UGGT1: variants seen among roughly 807,000 people sequenced by gnomAD.
UGGT1 encodes UDP-glucose glycoprotein glucosyltransferase 1, also known as UDP-glucose:glycoprotein glucosyltransferase 1.
In UGGT1, 107 loss-of-function variants were observed where a neutral mutation model predicts 203.9. The observed-to-expected ratio is 0.52, with a 90% CI of 0.45 to 0.62. UGGT1 has a LOEUF of 0.62. Ranked by LOEUF, UGGT1 falls within the 20% of genes least tolerant of loss-of-function variation. The probability of loss-of-function intolerance (pLI) is 0.00; values close to 1 mark genes in which losing one functional copy is unlikely to be tolerated. For synonymous variants in UGGT1, 628 were observed against 653.5 expected, an observed-to-expected ratio of 0.96 and a Z score of 0.59; for missense variants, 1,673 against 1,867.2, an observed-to-expected ratio of 0.90 and a Z score of 1.92.
chr2:128,148,228 A>G (rs1196985005), intron 18 of UGGT1, among the ~76,000 whole-genome samples: 1 of 151,926 alleles, frequency 6.6e-6, no homozygotes, highest in Non-Finnish European at 1.5e-5. Flanking sequence ...CACCCAACTA[A>G]TTTTTATATT....
Position 128,135,183 on chromosome 2 carries a change from C to T in UGGT1, c.1583+222C>T, listed in dbSNP as rs73955935. 5.1e-3 allele frequency among the ~76,000 whole-genome samples: 774 copies of T among 152,306 alleles called. 10 individuals are homozygous for T. The highest frequency in any genetic ancestry group is 0.016 in the African/African-American group (684 of 41,576). On this transcript the variant is annotated intron_variant, in intron 15 of 40. Transcript: ENST00000259253. ...CACCAATGAATTATCAATAAATAGC[C>T]CATGTAAAAATAGTTTCTGGCTGCA...
chr2:128,145,596 T>C (rs977176277), intron 17 of UGGT1: 1 of 502,660 alleles, frequency 2.0e-6, no homozygotes, highest in Non-Finnish European at 3.3e-6. Flanking sequence ...AAACTTGAAC[T>C]CAGTAATTCA....
chr2:128,180,882 A>G lies in UGGT1; in HGVS notation c.3901-8A>G, dbSNP rs1306306168. On this transcript the variant is annotated splice_polypyrimidine_tract_variant and splice_region_variant and intron_variant, in intron 35 of 40. Transcript: ENST00000259253. ...ATGATTATTTGTTGTTCCCATGTCTAAAAATAGGAGTTTATACCTTACATG... is the reference window on the plus strand; with the variant it reads ...ATGATTATTTGTTGTTCCCATGTCTGAAAATAGGAGTTTATACCTTACATG... 1 of 1,602,158 alleles carries G rather than the reference A, an allele frequency of 6.2e-7. No individual in the cohort carries two copies. The highest frequency in any genetic ancestry group is 1.1e-5 in the South Asian group (1 of 88,890).
intron 18 of UGGT1, among the ~76,000 whole-genome samples, chr2:128,146,975 CG>C (rs761556052): frequency 5.3e-5 from 8 of 152,176 alleles, no homozygotes; most frequent in Non-Finnish European, 1.2e-4. Context: ...CACAGACTCT[CG>C]GGCCCCACTG....
intron 18 of UGGT1, 97 bp from the exon 19 acceptor site, chr2:128,152,687 C>T: frequency 6.8e-7 from 1 of 1,474,100 alleles, no homozygotes; most frequent in Non-Finnish European, 9.1e-7. Context: ...ACAGAGGAAG[C>T]CATTTATAAA....
At chr2:128,144,618 A>C (rs1344373836) in intron 17 of UGGT1, among the ~76,000 whole-genome samples, 2 of 152,228 alleles carry the variant, frequency 1.3e-5, no homozygotes, top group African/African-American at 4.8e-5. Flanking sequence ...TAAGAGTTTT[A>C]GGAGTGTATA....
chr2:128,116,188 A>C (rs1688091910), intron 7 of UGGT1, 77 bp from the exon 8 acceptor site: 4 of 890,758 alleles, frequency 4.5e-6, no homozygotes, highest in Admixed American at 2.3e-5. Flanking sequence ...CAATTTTATG[A>C]AGTTTATGAG....
chr2:128,147,682 C>T (rs1257884627), intron 18 of UGGT1, among the ~76,000 whole-genome samples: 4 of 151,918 alleles, frequency 2.6e-5, no homozygotes, highest in Non-Finnish European at 2.9e-5. Context: ...ATGATCTTAG[C>T]TCACTGTGGC....
intron 13 of UGGT1, among the ~76,000 whole-genome samples, chr2:128,131,329 G>A (rs1451829982): frequency 2.6e-5 from 4 of 152,052 alleles, no homozygotes; most frequent in East Asian, 3.9e-4. Context: ...CGTGGTGGGC[G>A]GATCACTTTA....
chr2:128,169,605 A>G (rs1330033881), intron 26 of UGGT1, among the ~76,000 whole-genome samples: 4 of 152,218 alleles, frequency 2.6e-5, no homozygotes, highest in African/African-American at 9.6e-5. Flanking sequence ...TGGTTGTACA[A>G]ATTGTTTACA....
Position 128,116,435 on chromosome 2 carries a change from G to C in UGGT1, c.872+92G>C, listed in dbSNP as rs996361423. Reference sequence around the variant, plus strand: ...TTTAAGCATCATCTTACTCATTACTGTCTGAGTTTCTCATCTCCTAACAGT... The same window carrying C: ...TTTAAGCATCATCTTACTCATTACTCTCTGAGTTTCTCATCTCCTAACAGT... On this transcript the variant is annotated intron_variant, in intron 8 of 40. Transcript: ENST00000259253. The C allele has an allele frequency of 1.5e-5, 12 of 809,336 alleles. No individual in the cohort carries two copies. In the Admixed American group the frequency reaches 2.1e-4, roughly 14 times the overall value. 50.1% of individuals were successfully genotyped at this position (809,336 alleles called of 1,614,324 possible).
At chr2:128,127,918 A>G (rs1688676381) in intron 12 of UGGT1, among the ~76,000 whole-genome samples, 1 of 152,136 alleles carries the variant, frequency 6.6e-6, no homozygotes, top group Non-Finnish European at 1.5e-5. Flanking sequence ...TGCTAAAAAT[A>G]CAAAAATTAG....
At chr2:128,159,114 TA>T (rs55708514) in intron 22 of UGGT1, among the ~76,000 whole-genome samples, 50,836 of 135,112 alleles carry the variant, frequency 0.38, 10,373 homozygotes, top group South Asian at 0.53. Context: ...TTTTTTTTTT[TA>T]ATGAGACGGA....
chr2:128,178,802 C>T (rs937763870), intron 34 of UGGT1, among the ~76,000 whole-genome samples: 11 of 152,188 alleles, frequency 7.2e-5, no homozygotes, highest in Admixed American at 2.6e-4. Context: ...AGCCCTTTAA[C>T]GTCACTGTAC....
Position 128,173,764 on chromosome 2 carries a change from T to C in UGGT1, c.3295-17T>C, listed in dbSNP as rs1199429096. The C allele has an allele frequency of 5.6e-6, 9 of 1,612,784 alleles. No individual in the cohort carries two copies. Among genetic ancestry groups the C allele is most frequent in the Non-Finnish European group, 7.6e-6 (9 of 1,179,214 alleles). On this transcript the variant is annotated splice_polypyrimidine_tract_variant and intron_variant, in intron 29 of 40. Transcript: ENST00000259253. ...TTGTCTCTGAGTGCATTCAAGTGAT[T>C]GGATTTTGGCTTGCAGGTGGACAGT...
chr2:128,121,353 C>A, intron 10 of UGGT1, 55 bp downstream of exon 10: 1 of 1,244,368 alleles, frequency 8.0e-7, no homozygotes, highest in Non-Finnish European at 1.1e-6. Context: ...TCGTCATGTT[C>A]ACTTGCCAAA....
In UGGT1 at chr2:128,138,826, T is replaced by G; in HGVS notation, c.1693T>G (p.Tyr565Asp). The change falls in exon 16 of 41, where the codon TAT (tyrosine) becomes GAT (aspartate). Residue 565 changes from tyrosine (Y) to aspartate (D), a missense_variant. Physicochemically the swap from Tyr to Asp is radical, Grantham distance 160. Coordinates refer to ENST00000259253, the MANE Select transcript of UGGT1 (RefSeq NM_020120.4). ...YNYVAQEVDDYHAFQTLTHIY... is the reference protein window; with the variant it reads ...YNYVAQEVDDDHAFQTLTHIY... Reference sequence around the variant, plus strand: ...TTATGTTGCCCAAGAAGTGGATGATTATCATGCCTTCCAGACTCTGACACA... The same window carrying G: ...TTATGTTGCCCAAGAAGTGGATGATGATCATGCCTTCCAGACTCTGACACA... 1 of 1,614,166 alleles carries G rather than the reference T, an allele frequency of 6.2e-7. No homozygotes were observed. Among genetic ancestry groups the G allele is most frequent in the South Asian group, 1.1e-5 (1 of 91,056 alleles).
chr2:128,181,218 C>T, intron 36 of UGGT1, 146 bp downstream of exon 36: 1 of 762,846 alleles, frequency 1.3e-6, no homozygotes, highest in Non-Finnish European at 2.0e-6. Flanking sequence ...TAGATGTCAT[C>T]ACTTTTTAAA....
intron 17 of UGGT1, among the ~76,000 whole-genome samples, chr2:128,145,457 A>T (rs1043303016): frequency 3.9e-5 from 6 of 152,124 alleles, no homozygotes; most frequent in South Asian, 4.2e-4. Flanking sequence ...CTGACCGTAG[A>T]ATATGTAGTT....
Sources: gnomAD v4.1 joint callset for allele counts (sites outside exome capture counted in the v4.1 genomes callset) on GRCh38, gnomAD v4.1.1 for gene constraint, MANE v1.5 for transcripts, NCBI Gene and HGNC (gene_info 2026-07-23, HGNC 2026-07-21) for gene names.